The following SLC12A4 variants were observed in gnomAD, a reference collection of about 807,000 sequenced individuals.
SLC12A4 encodes the protein electroneutral potassium-chloride cotransporter 1.
In SLC12A4, 84 loss-of-function variants were observed where a neutral mutation model predicts 119.2. That is an observed-to-expected ratio of 0.70 (90% confidence interval 0.59 to 0.85). The LOEUF (loss-of-function observed/expected upper bound fraction) is 0.85. SLC12A4 is among the 40% of genes least tolerant of loss of function. The pLI is 0.00. For missense variants in SLC12A4, 1,298 were observed against 1,476.3 expected, an observed-to-expected ratio of 0.88 and a Z score of 1.98; for synonymous variants, 599 against 604.6, an observed-to-expected ratio of 0.99 and a Z score of 0.14.
chr16:67,959,768 A>C (rs1315128475), intron 3 of SLC12A4, among the ~76,000 whole-genome samples: 5 of 152,158 alleles, frequency 3.3e-5, no homozygotes, highest in Non-Finnish European at 5.9e-5. Context: ...TGCATCCCCA[A>C]ATAACCTCTG....
chr16:67,967,088 G>T (rs1249354473), intron 1 of SLC12A4, among the ~76,000 whole-genome samples: 1 of 152,180 alleles, frequency 6.6e-6, no homozygotes, highest in Non-Finnish European at 1.5e-5. Flanking sequence ...ATCAAGCTAG[G>T]GGCAGACAAG....
chr16:67,949,808 G>A lies in SLC12A4; in HGVS notation c.1740C>T (p.Ile580=), dbSNP rs767554332. 29 of 1,608,236 alleles carry A rather than the reference G, an allele frequency of 1.8e-5. No homozygotes were observed. The highest frequency in any genetic ancestry group is 2.2e-5 in the Non-Finnish European group (26 of 1,176,610). ...GCCCGGCCCCAGCTCACATGGATAA[G>A]ATGGGGGCCACCATGTCGAGGGAGG... The part of the protein sequence containing the change: ...LIASLDMVAP[I]LSMFFLMCYL... The change falls in exon 13 of 24, where the codon ATC becomes ATT. Residue 580 remains isoleucine, a synonymous_variant. Coordinates refer to ENST00000316341, the MANE Select transcript of SLC12A4 (RefSeq NM_005072.5). The surrounding 1 kb of genome is among the most constrained non-coding windows in gnomAD (Gnocchi z 4.6).
At position 67,945,448 on chromosome 16, in the gene SLC12A4, T is replaced by A. The variant is rs929773500; in HGVS notation, c.2953A>T (p.Thr985Ser). ...GTCTCAGTCATGTACTTGTCCCTGG[T>A]CCACGTCATCTGGATCTTGTCAGCC... ...VGADKIQMTWTRDKYMTETWD... is the reference protein window; with the variant it reads ...VGADKIQMTWSRDKYMTETWD... The change falls in exon 22 of 24, where the codon ACC becomes TCC. Residue 985 changes from threonine (T) to serine (S), a missense_variant. Physicochemically the swap from Thr to Ser is moderately conservative, Grantham distance 58. Transcript: ENST00000316341. 22 of 1,613,990 alleles carry A rather than the reference T, an allele frequency of 1.4e-5. No individual in the cohort carries two copies. The highest frequency in any genetic ancestry group is 1.9e-5 in the Non-Finnish European group (22 of 1,180,018).
intron 3 of SLC12A4, among the ~76,000 whole-genome samples, chr16:67,959,600 C>T (rs1051537064): frequency 3.3e-5 from 5 of 152,204 alleles, no homozygotes; most frequent in South Asian, 2.1e-4. Flanking sequence ...GTGCAGGGGA[C>T]GGATCCCCCT....
intron 20 of SLC12A4, 25 bp from the exon 21 acceptor site, chr16:67,945,896 A>T: frequency 6.2e-7 from 1 of 1,613,268 alleles, no homozygotes; most frequent in Non-Finnish European, 8.5e-7. Context: ...GGCCGTGAGG[A>T]CCCAGCTGCA....
At chr16:67,957,843 G>C (rs1451529771) in intron 4 of SLC12A4, 47 bp from the exon 5 acceptor site, 1 of 1,614,016 alleles carries the variant, frequency 6.2e-7, no homozygotes, top group Non-Finnish European at 8.5e-7. Context: ...GGTGGGCTCT[G>C]TGGGGGCAGC....
Position 67,945,820 on chromosome 16 carries a change from G to C in SLC12A4, c.2791C>G (p.Gln931Glu), listed in dbSNP as rs1598208588. Residue 931 changes from glutamine (Q) to glutamate (E), a missense_variant, in exon 21 of 24, where the codon CAG becomes GAG. Transcript: ENST00000316341. Reference protein sequence around the residue: ...YTYERTLMMEQRSQMLRQMRL... With the variant: ...YTYERTLMMEERSQMLRQMRL... ...ATCTGCCGCAGCATCTGCGACCGCTGCTCCATCATCAGCGTCCGCTCGTAG... is the reference window on the plus strand; with the variant it reads ...ATCTGCCGCAGCATCTGCGACCGCTCCTCCATCATCAGCGTCCGCTCGTAG... 6.2e-7 allele frequency: 1 copy of C among 1,613,954 alleles called. No homozygotes were observed. Among genetic ancestry groups the C allele is most frequent in the Non-Finnish European group, 8.5e-7 (1 of 1,180,042 alleles).
rs1409839024 is a variant in SLC12A4, at chr16:67,943,554, G to A, written c.*1286C>T. ...GGGCATGGGGGCTGGGCCTAATAGG[G>A]GCCGGGCATGGATGGGCCTCTCCTG... On this transcript the variant is annotated 3_prime_UTR_variant, in exon 24 of 24. Transcript: ENST00000316341. The surrounding 1 kb of genome is among the most constrained non-coding windows in gnomAD (Gnocchi z 4.6). The A allele has an allele frequency of 2.0e-6, 1 of 503,932 alleles. No homozygotes were observed. Among genetic ancestry groups the A allele is most frequent in the Non-Finnish European group, 3.6e-6 (1 of 275,580 alleles). 31.2% of individuals were successfully genotyped at this position (503,932 alleles called of 1,614,324 possible). A position where few individuals can be genotyped will look rare whatever the true frequency, so the allele number is the denominator to read the frequency against.
intron 5 of SLC12A4, among the ~76,000 whole-genome samples, chr16:67,955,203 A>C (rs2030185379): frequency 6.6e-6 from 1 of 152,224 alleles, no homozygotes; most frequent in South Asian, 2.1e-4. Flanking sequence ...TTTGGCCCTA[A>C]GGCCCCGCAC....
chr16:67,968,599 G>C lies in SLC12A4; in HGVS notation c.-46C>G. ...GCACCCGCCGTCCCAGCCGCCCGCC[G>C]CTGTCCCCGCCGCTGTCCCCGCCGC... On this transcript the variant is annotated 5_prime_UTR_variant, in exon 1 of 24. Coordinates refer to ENST00000316341, the MANE Select transcript of SLC12A4 (RefSeq NM_005072.5). The C allele has an allele frequency of 7.2e-7, 1 of 1,385,592 alleles. No homozygotes were observed. The highest frequency in any genetic ancestry group is 9.4e-7 in the Non-Finnish European group (1 of 1,059,492). The allele number at this position is 1,385,592 out of a possible 1,614,324, so 85.8% of individuals were successfully genotyped here.
chr16:67,951,131 A>G lies in SLC12A4; in HGVS notation c.1297+9T>C. ...GACAGGGCTGGGTGGGTAGGCAGGCAGGGCTCACCTGTTACAGAAGGGAAG... is the reference window on the plus strand; with the variant it reads ...GACAGGGCTGGGTGGGTAGGCAGGCGGGGCTCACCTGTTACAGAAGGGAAG... On this transcript the variant is annotated intron_variant, in intron 9 of 23. Coordinates refer to ENST00000316341, the MANE Select transcript of SLC12A4 (RefSeq NM_005072.5). This position sits in a 1 kb window ranked among gnomAD's most constrained non-coding sequence, Gnocchi z 5.2. The G allele has an allele frequency of 6.2e-7, 1 of 1,613,740 alleles. No individual in the cohort carries two copies. Among genetic ancestry groups the G allele is most frequent in the Non-Finnish European group, 8.5e-7 (1 of 1,179,756 alleles).
intron 1 of SLC12A4, among the ~76,000 whole-genome samples, chr16:67,965,735 T>TAA (rs540148306): frequency 3.2e-4 from 48 of 152,280 alleles, no homozygotes; most frequent in African/African-American, 1.1e-3. Flanking sequence ...ACCTAGCCTA[T>TAA]CCCTTGTCCC....
At chr16:67,967,647 G>A (rs2151343185) in intron 1 of SLC12A4, among the ~76,000 whole-genome samples, 1 of 152,292 alleles carries the variant, frequency 6.6e-6, no homozygotes, top group African/African-American at 2.4e-5. Context: ...GGAGGAAGGA[G>A]GAGGGAGATG....
At chr16:67,958,179 A>T in intron 3 of SLC12A4, 135 bp from the exon 4 acceptor site, 1 of 817,812 alleles carries the variant, frequency 1.2e-6, no homozygotes, top group Non-Finnish European at 1.9e-6. Context: ...GACAGCTAGG[A>T]TGTCTCTATT....
At chr16:67,960,174 G>A (rs1021374336) in intron 3 of SLC12A4, among the ~76,000 whole-genome samples, 1 of 152,208 alleles carries the variant, frequency 6.6e-6, no homozygotes, top group African/African-American at 2.4e-5. Flanking sequence ...CTGCTGAGAT[G>A]TGCACTAGCC....
intron 5 of SLC12A4, among the ~76,000 whole-genome samples, chr16:67,955,270 CAA>C (rs1247621755): frequency 3.9e-5 from 6 of 152,238 alleles, no homozygotes; most frequent in Admixed American, 2.6e-4. Context: ...GTGCTTCTAT[CAA>C]AGTCTAACAC....
Position 67,951,807 on chromosome 16 carries a change from G to A in SLC12A4, c.1132+16C>T, listed in dbSNP as rs768838980. On this transcript the variant is annotated intron_variant, in intron 8 of 23. Coordinates refer to ENST00000316341, the MANE Select transcript of SLC12A4 (RefSeq NM_005072.5). This position sits in a 1 kb window ranked among gnomAD's most constrained non-coding sequence, Gnocchi z 5.2. The stretch of plus-strand genomic sequence containing the variant: ...CCTGTGGGCTCAAGAGCAAGACGAC[G>A]GGAGGGAGGACCCACCCTGGAGCAC... 1.4e-5 allele frequency: 23 copies of A among 1,601,418 alleles called. No individual in the cohort carries two copies. The highest frequency in any genetic ancestry group is 2.7e-5 in the African/African-American group (2 of 74,844).
Position 67,948,063 on chromosome 16 carries a change from G to A in SLC12A4, c.1845C>T (p.His615=). 6.2e-7 allele frequency: 1 copy of A among 1,613,090 alleles called. No homozygotes were observed. Among genetic ancestry groups the A allele is most frequent in the Non-Finnish European group, 8.5e-7 (1 of 1,179,952 alleles). Residue 615 remains histidine, a splice_region_variant and synonymous_variant, in exon 14 of 24, where the codon CAC becomes CAT. Transcript: ENST00000316341. ...CCCGTGTCAGAGGCATGGCTCACCA[G>A]TGATAGTACTTGAACCGGGGCCGCC... ...PNWRPRFKYY[H]WALSFLGMSL... is the part of the protein sequence containing the mutation.
chr16:67,947,881 G>C (rs1452347488), intron 14 of SLC12A4, 93 bp from the exon 15 acceptor site: 1 of 1,521,078 alleles, frequency 6.6e-7, no homozygotes, highest in Non-Finnish European at 8.9e-7. Context: ...CAGGTCCCGG[G>C]TGGGAGGTCC....
Sources: gnomAD v4.1 joint callset for allele counts (sites outside exome capture counted in the v4.1 genomes callset) on GRCh38, gnomAD v4.1.1 for gene constraint, Gnocchi (gnomAD v3.1) non-coding constraint, MANE v1.5 for transcripts, NCBI Gene and HGNC (gene_info 2026-07-23, HGNC 2026-07-21) for gene names.